The following XKR6 variants were observed in gnomAD, a reference collection of about 807,000 sequenced individuals.
XKR6 encodes the protein XK related 6.
Under a neutral mutation model 56.7 loss-of-function variants are expected in XKR6, and 22 were observed. The ratio of observed to expected loss-of-function variants is 0.39; its 90% CI spans 0.28 to 0.55. The LOEUF (loss-of-function observed/expected upper bound fraction) is 0.55. Ranked by LOEUF, XKR6 falls within the 20% of genes least tolerant of loss-of-function variation. The pLI, the probability that XKR6 is intolerant of heterozygous loss-of-function variation, is 0.66. For missense variants in XKR6, 852 were observed against 889.0 expected, an observed-to-expected ratio of 0.96 and a Z score of 0.53; for synonymous variants, 524 against 387.8, an observed-to-expected ratio of 1.35 and a Z score of -4.13.
At chr8:11,047,580 T>C (rs1222465214) in intron 1 of XKR6, among the ~76,000 whole-genome samples, 1 of 152,116 alleles carries the variant, frequency 6.6e-6, no homozygotes, top group Non-Finnish European at 1.5e-5. Flanking sequence ...GCCAGATTCA[T>C]AGAGACAGAA....
At chr8:11,135,767 C>A (rs1800357309) in intron 1 of XKR6, among the ~76,000 whole-genome samples, 2 of 150,680 alleles carry the variant, frequency 1.3e-5, no homozygotes, top group Non-Finnish European at 3.0e-5. Flanking sequence ...GAAAAAACCA[C>A]CATACAGAAA....
chr8:10,917,622 T>TA (rs1174232805), intron 2 of XKR6, among the ~76,000 whole-genome samples: 6 of 152,124 alleles, frequency 3.9e-5, no homozygotes, highest in Non-Finnish European at 5.9e-5. Context: ...CCTGCTGAGT[T>TA]AGAGTCTGAG....
intron 1 of XKR6, among the ~76,000 whole-genome samples, chr8:11,006,993 A>G (rs9657543): frequency 0.089 from 13,482 of 152,246 alleles, 2,002 homozygotes; most frequent in African/African-American, 0.31. Flanking sequence ...GGACAGACAT[A>G]AGACCAAATT....
chr8:11,000,834 T>C (rs1287865843), intron 1 of XKR6, among the ~76,000 whole-genome samples: 1 of 152,178 alleles, frequency 6.6e-6, no homozygotes, highest in Non-Finnish European at 1.5e-5. Flanking sequence ...GTAAGATGCA[T>C]AGCCGGGAAA....
At chr8:11,002,495 C>G in intron 1 of XKR6, 1 of 381,442 alleles carries the variant, frequency 2.6e-6, no homozygotes, top group Non-Finnish European at 5.5e-6. Flanking sequence ...AGAATCAAAG[C>G]CAACCGATAC....
At chr8:11,057,879 G>A (rs1430703433) in intron 1 of XKR6, among the ~76,000 whole-genome samples, 6 of 152,154 alleles carry the variant, frequency 3.9e-5, no homozygotes, top group East Asian at 1.9e-4. Context: ...GAATCACAGC[G>A]CTGAGCACCT....
intron 1 of XKR6, among the ~76,000 whole-genome samples, chr8:11,139,474 T>C (rs1800572162): frequency 3.3e-5 from 5 of 152,006 alleles, no homozygotes; most frequent in Admixed American, 3.3e-4. Context: ...GACCCATTTC[T>C]TGCCAGCAGC....
At chr8:11,057,693 G>A (rs934374145) in intron 1 of XKR6, among the ~76,000 whole-genome samples, 2 of 152,192 alleles carry the variant, frequency 1.3e-5, no homozygotes, top group African/African-American at 4.8e-5. Context: ...TTGGTCTGAC[G>A]TCACCATCTG....
chr8:10,914,323 A>G (rs1361033398), intron 2 of XKR6, among the ~76,000 whole-genome samples: 1 of 152,098 alleles, frequency 6.6e-6, no homozygotes, highest in African/African-American at 2.4e-5. Context: ...GGGGATGAGT[A>G]GTGCATCCCC....
At chr8:11,175,527 T>C (rs185432413) in intron 1 of XKR6, 2 of 152,522 alleles carry the variant, frequency 1.3e-5, no homozygotes, top group Non-Finnish European at 2.9e-5. Context: ...AAGAAAAAGA[T>C]ACCTGAGAAG....
chr8:10,914,100 C>G (rs1048338843), intron 2 of XKR6, among the ~76,000 whole-genome samples: 1 of 152,174 alleles, frequency 6.6e-6, no homozygotes, highest in Non-Finnish European at 1.5e-5. Context: ...ACACCTCAGA[C>G]TGGTTCAGGA....
At chr8:11,008,202 C>G (rs748102037) in intron 1 of XKR6, among the ~76,000 whole-genome samples, 1 of 152,160 alleles carries the variant, frequency 6.6e-6, no homozygotes, top group Non-Finnish European at 1.5e-5. Context: ...AGCCCAATCT[C>G]TCTAGCTTGT....
intron 1 of XKR6, among the ~76,000 whole-genome samples, chr8:11,188,473 G>A (rs920072306): frequency 1.3e-5 from 2 of 152,066 alleles, no homozygotes; most frequent in African/African-American, 4.8e-5. Context: ...GTCCTTTATT[G>A]TAGTTTCTCT....
intron 1 of XKR6, among the ~76,000 whole-genome samples, chr8:11,003,157 GAAATAAT>G (rs755397332): frequency 0.14 from 20,851 of 152,068 alleles, 1,895 homozygotes; most frequent in Non-Finnish European, 0.2. Flanking sequence ...GGTGAGCCTT[GAAATAAT>G]AGAGTACGTA....
At chr8:10,962,312 A>G (rs528971231) in intron 1 of XKR6, among the ~76,000 whole-genome samples, 3 of 152,294 alleles carry the variant, frequency 2.0e-5, no homozygotes, top group South Asian at 2.1e-4. Context: ...TTTGGGGGAC[A>G]CCATCGTGCC....
At chr8:10,922,786 G>C (rs1361354493) in intron 2 of XKR6, among the ~76,000 whole-genome samples, 1 of 152,170 alleles carries the variant, frequency 6.6e-6, no homozygotes, top group Non-Finnish European at 1.5e-5. Context: ...CAGTGCCCAG[G>C]AGAGAGTATG....
At chr8:11,178,550 A>ATATATATATATG (rs1802782252) in intron 1 of XKR6, among the ~76,000 whole-genome samples, 3 of 95,440 alleles carry the variant, frequency 3.1e-5, no homozygotes, top group Non-Finnish European at 5.3e-5. Context: ...AGGTAAAAAT[A>ATATATATATATG]TATATATATA....
chr8:11,081,664 T>G (rs1797725864), intron 1 of XKR6, among the ~76,000 whole-genome samples: 1 of 152,184 alleles, frequency 6.6e-6, no homozygotes, highest in Admixed American at 6.5e-5. Context: ...TGACTCCAAG[T>G]TCTGATCATC....
chr8:11,135,103 G>A (rs931536098), intron 1 of XKR6, among the ~76,000 whole-genome samples: 1 of 151,274 alleles, frequency 6.6e-6, no homozygotes, highest in Non-Finnish European at 1.5e-5. Context: ...CACGATCTTG[G>A]CTCACTGCAA....
Sources: gnomAD v4.1 joint callset for allele counts (sites outside exome capture counted in the v4.1 genomes callset) on GRCh38, gnomAD v4.1.1 for gene constraint, MANE v1.5 for transcripts, NCBI Gene and HGNC (gene_info 2026-07-23, HGNC 2026-07-21) for gene names.